Variants in HIGD1C observed in about 807,000 individuals in gnomAD.
The protein encoded by HIGD1C is HIG1 domain family member 1C.
Under a neutral mutation model 13.1 loss-of-function variants are expected in HIGD1C, and 11 were observed. The ratio of observed to expected loss-of-function variants is 0.84; its 90% CI spans 0.53 to 1.39. The LOEUF is 1.39. Among genes scored for constraint, HIGD1C ranks in the 40% most tolerant of loss-of-function variants. The probability of loss-of-function intolerance (pLI) is 0.00; values close to 1 mark genes in which losing one functional copy is unlikely to be tolerated. For synonymous variants in HIGD1C, 36 were observed against 37.7 expected (o/e 0.95, Z 0.17); for missense variants, 110 against 112.0 (o/e 0.98, Z 0.08).
At chr12:50,943,578 C>T in the HIGD1C span, among the ~76,000 whole-genome samples, 2 of 151,938 alleles carry the variant, frequency 1.3e-5, no homozygotes, top group Non-Finnish European at 2.9e-5. Context: ...GGTGAGGTGG[C>T]GGGCACCTGT....
At chr12:50,967,878 G>T (rs1254476728) in intron 2 of HIGD1C, among the ~76,000 whole-genome samples, 2 of 152,118 alleles carry the variant, frequency 1.3e-5, no homozygotes, top group African/African-American at 4.8e-5. Flanking sequence ...CTTGAGCCCA[G>T]GAGTTTGAGA....
the HIGD1C span, among the ~76,000 whole-genome samples, chr12:50,944,139 G>T: frequency 0.018 from 2,803 of 152,150 alleles, 80 homozygotes; most frequent in African/African-American, 0.064. Context: ...GACTGGAAAT[G>T]TAAGAACCTC....
the HIGD1C span, among the ~76,000 whole-genome samples, chr12:50,936,252 T>C: frequency 6.6e-6 from 1 of 152,138 alleles, no homozygotes; most frequent in Admixed American, 6.5e-5. Flanking sequence ...ATAATTTCCA[T>C]TTCTTAAGTA....
At chr12:50,964,353 A>T (rs1417221750) in intron 2 of HIGD1C, among the ~76,000 whole-genome samples, 1 of 152,198 alleles carries the variant, frequency 6.6e-6, no homozygotes, top group Non-Finnish European at 1.5e-5. Context: ...GGTGACCCAA[A>T]CCTTCATTCC....
In HIGD1C at chr12:50,957,773, T is replaced by C. The variant is rs150279296; in HGVS notation, c.95-3195T>C. ...GGTGGCATGCACCTGTAATCCCAGCTACTCAAGAGGCTGAGACAGGAGAAT... is the reference window on the plus strand; with the variant it reads ...GGTGGCATGCACCTGTAATCCCAGCCACTCAAGAGGCTGAGACAGGAGAAT... On this transcript the variant is annotated intron_variant, in intron 1 of 2. Coordinates refer to ENST00000398455, the Ensembl canonical transcript of HIGD1C. Among the ~76,000 whole-genome samples the C allele has an allele frequency of 3.6e-3, 546 of 151,896 alleles. 4 individuals carry two copies. The highest frequency in any genetic ancestry group is 0.012 in the African/African-American group (516 of 41,434).
chr12:50,957,939 T>TGG (rs1344419190), intron 1 of HIGD1C, among the ~76,000 whole-genome samples: 1 of 63,072 alleles, frequency 1.6e-5, no homozygotes, highest in African/African-American at 1.0e-4. Context: ...GAATTGGAGG[T>TGG]GTGTGTGTGT....
At chr12:50,942,639 G>A in the HIGD1C span, among the ~76,000 whole-genome samples, 1 of 152,142 alleles carries the variant, frequency 6.6e-6, no homozygotes, top group African/African-American at 2.4e-5. Flanking sequence ...GGCCAAGGCA[G>A]GAGGATTGCC....
the HIGD1C span, chr12:50,931,277 C>T: frequency 6.6e-6 from 1 of 151,892 alleles, no homozygotes; most frequent in Non-Finnish European, 1.5e-5. Flanking sequence ...ACTTAAATCA[C>T]TCCAAAGAAG....
intron 1 of HIGD1C, among the ~76,000 whole-genome samples, chr12:50,957,216 C>CA (rs1565956726): frequency 6.9e-6 from 1 of 145,872 alleles, no homozygotes; most frequent in Non-Finnish European, 1.5e-5. Context: ...GCTTTTTTTT[C>CA]TTTTTTTTTT....
At chr12:50,935,958 G>T in the HIGD1C span, among the ~76,000 whole-genome samples, 1 of 152,110 alleles carries the variant, frequency 6.6e-6, no homozygotes, top group East Asian at 1.9e-4. Context: ...AAGAGTTCAA[G>T]ACCAGCCTGG....
chr12:50,933,426 C>T, the HIGD1C span, among the ~76,000 whole-genome samples: 2 of 152,246 alleles, frequency 1.3e-5, no homozygotes, highest in Non-Finnish European at 2.9e-5. Context: ...CCAATCCAAA[C>T]AGACTTAAGC....
At chr12:50,940,293 C>A in the HIGD1C span, among the ~76,000 whole-genome samples, 1 of 152,146 alleles carries the variant, frequency 6.6e-6, no homozygotes, top group Non-Finnish European at 1.5e-5. Context: ...ATAAAAGAAA[C>A]ACCATCTAAT....
At chr12:50,951,908 G>A (rs1019387069), upstream of HIGD1C, among the ~76,000 whole-genome samples, 1 of 135,816 alleles carries the variant, frequency 7.4e-6, no homozygotes, top group African/African-American at 2.8e-5. Context: ...GGTGACAAGA[G>A]CGAAACTCCA....
chr12:50,968,110 G>GGAGGAGGAGGAGGAGAAT (rs1939611185), intron 2 of HIGD1C, among the ~76,000 whole-genome samples: 1 of 151,918 alleles, frequency 6.6e-6, no homozygotes. Context: ...AGAAGGAGGA[G>GGAGGAGGAGGAGGAGAAT]GAGGAGGAGG....
intron 1 of HIGD1C, among the ~76,000 whole-genome samples, chr12:50,954,704 TGACATAGTGA>T (rs1271762885): frequency 4.6e-5 from 7 of 151,996 alleles, no homozygotes; most frequent in Non-Finnish European, 8.8e-5. Flanking sequence ...TCAGCCTGGG[TGACATAGTGA>T]GACCCTGTCT....
chr12:50,971,636 CT>C (rs1939764253), downstream of HIGD1C, among the ~76,000 whole-genome samples: 2 of 152,206 alleles, frequency 1.3e-5, no homozygotes, highest in Admixed American at 6.5e-5. Flanking sequence ...ATTAACTAGG[CT>C]TTGCTGAAGA....
intron 2 of HIGD1C, among the ~76,000 whole-genome samples, chr12:50,962,952 C>T (rs1422434797): frequency 3.3e-5 from 5 of 152,084 alleles, no homozygotes; most frequent in African/African-American, 4.8e-5. Context: ...AGAAAAGCAA[C>T]ACTACTAGTA....
upstream of HIGD1C, chr12:50,953,781 C>T (rs1258104858): frequency 2.0e-6 from 1 of 498,248 alleles, no homozygotes; most frequent in Non-Finnish European, 3.6e-6. Context: ...ATCATTTCCT[C>T]TATGTATTTT....
intron 2 of HIGD1C, among the ~76,000 whole-genome samples, chr12:50,961,791 G>C (rs935864800): frequency 6.6e-6 from 1 of 152,192 alleles, no homozygotes; most frequent in Non-Finnish European, 1.5e-5. Flanking sequence ...ATGACGTGCA[G>C]AGTGGAGTCA....
Sources: gnomAD v4.1 joint callset for allele counts (sites outside exome capture counted in the v4.1 genomes callset) on GRCh38, gnomAD v4.1.1 for gene constraint, MANE v1.5 for transcripts, NCBI Gene and HGNC (gene_info 2026-07-23, HGNC 2026-07-21) for gene names.